TMEM132D: variants seen among roughly 807,000 people sequenced by gnomAD.
TMEM132D encodes the protein transmembrane protein 132D.
Under a neutral mutation model 62.3 loss-of-function variants are expected in TMEM132D, and 21 were observed. That is an observed-to-expected ratio of 0.34 (90% CI 0.24 to 0.49). The LOEUF (loss-of-function observed/expected upper bound fraction) is 0.49, where lower values mean the gene tolerates loss of function less well. TMEM132D is among the 20% of genes least tolerant of loss of function. The pLI is 0.99. For missense variants in TMEM132D, 1,346 were observed against 1,402.8 expected, an observed-to-expected ratio of 0.96 and a Z score of 0.65; for synonymous variants, 621 against 575.6, an observed-to-expected ratio of 1.08 and a Z score of -1.13.
chr12:129,832,960 C>T (rs1157550765), intron 1 of TMEM132D, among the ~76,000 whole-genome samples: 2 of 152,190 alleles, frequency 1.3e-5, no homozygotes, highest in African/African-American at 4.8e-5. Context: ...CCTCTACTCC[C>T]TACCTTAGCT....
At chr12:129,432,232 T>C (rs1872678277) in intron 3 of TMEM132D, among the ~76,000 whole-genome samples, 1 of 150,882 alleles carries the variant, frequency 6.6e-6, no homozygotes, top group Non-Finnish European at 1.5e-5. Flanking sequence ...CTTGGATGGA[T>C]GGATGGATGG....
chr12:129,599,179 A>G (rs1878424333), intron 2 of TMEM132D, among the ~76,000 whole-genome samples: 1 of 152,224 alleles, frequency 6.6e-6, no homozygotes, highest in African/African-American at 2.4e-5. Flanking sequence ...TCCTAGAGCC[A>G]GTCATGCTGA....
chr12:129,130,340 C>T (rs1228262051), intron 5 of TMEM132D, among the ~76,000 whole-genome samples: 1 of 152,034 alleles, frequency 6.6e-6, no homozygotes, highest in Non-Finnish European at 1.5e-5. Context: ...AAGAGACCCC[C>T]CCGCCCGCCA....
chr12:129,307,838 C>G (rs1387692368), intron 4 of TMEM132D, among the ~76,000 whole-genome samples: 1 of 152,192 alleles, frequency 6.6e-6, no homozygotes, highest in Non-Finnish European at 1.5e-5. Flanking sequence ...TCAATGCAGT[C>G]TCTGCTCACA....
intron 1 of TMEM132D, among the ~76,000 whole-genome samples, chr12:129,749,532 C>T (rs1415479735): frequency 6.6e-6 from 1 of 151,162 alleles, no homozygotes; most frequent in Admixed American, 6.6e-5. Flanking sequence ...TCTCAGCTCA[C>T]TGCAACCTCC....
chr12:129,250,044 C>A (rs904424575), intron 4 of TMEM132D, among the ~76,000 whole-genome samples: 1 of 152,112 alleles, frequency 6.6e-6, no homozygotes, highest in African/African-American at 2.4e-5. Flanking sequence ...AGCAAGCCAC[C>A]CAGACGAGAC....
chr12:129,194,855 T>G (rs974227866), intron 5 of TMEM132D, among the ~76,000 whole-genome samples: 1 of 151,980 alleles, frequency 6.6e-6, no homozygotes, highest in Non-Finnish European at 1.5e-5. Context: ...CTCCTCCCCA[T>G]GATAACCAGA....
At chr12:129,453,073 C>A (rs977143438) in intron 3 of TMEM132D, among the ~76,000 whole-genome samples, 5 of 152,218 alleles carry the variant, frequency 3.3e-5, no homozygotes, top group Admixed American at 1.3e-4. Context: ...CATAGGAGCA[C>A]AAACCCTATT....
Position 129,821,125 on chromosome 12 carries a change from C to T in TMEM132D, c.79+82136G>A, listed in dbSNP as rs372768234. ...GATTCCAATTCTGATTTTCTATATT[C>T]CAGAGTGAAAACATTCCATGATCAA... On this transcript the variant is annotated intron_variant, in intron 1 of 8. Transcript: ENST00000422113. Among the ~76,000 whole-genome samples the T allele has an allele frequency of 3.3e-5, 5 of 152,078 alleles. No individual in the cohort carries two copies. The East Asian group carries it at 7.7e-4, about 23-fold the overall frequency.
rs567080017 is a variant in TMEM132D, at chr12:129,480,300, C to A, written c.1115+50759G>T. 1.1e-4 allele frequency among the ~76,000 whole-genome samples: 17 copies of A among 152,342 alleles called. 1 individual carries two copies. The highest frequency in any genetic ancestry group is 4.1e-4 in the African/African-American group (17 of 41,576). On this transcript the variant is annotated intron_variant, in intron 3 of 8. Transcript: ENST00000422113. Reference sequence around the variant, plus strand: ...GAACAGGGGAGCCATACTGTGCAAACCCCTGTGGGCCACTGAAAAGACTTT... The same window carrying A: ...GAACAGGGGAGCCATACTGTGCAAAACCCTGTGGGCCACTGAAAAGACTTT...
chr12:129,165,287 G>T (rs1381329260), intron 5 of TMEM132D, among the ~76,000 whole-genome samples: 1 of 152,160 alleles, frequency 6.6e-6, no homozygotes, highest in Admixed American at 6.5e-5. Flanking sequence ...GACTGTTTGG[G>T]TTGCAAAGGT....
intron 3 of TMEM132D, among the ~76,000 whole-genome samples, chr12:129,527,815 G>A (rs775191906): frequency 8.5e-5 from 13 of 152,140 alleles, no homozygotes; most frequent in Non-Finnish European, 1.5e-4. Context: ...TGATAGCTGG[G>A]GTAACATTCA....
At chr12:129,236,228 G>C (rs1361454913) in intron 4 of TMEM132D, among the ~76,000 whole-genome samples, 4 of 151,694 alleles carry the variant, frequency 2.6e-5, no homozygotes, top group Non-Finnish European at 4.4e-5. Flanking sequence ...TTCAGTATTG[G>C]TGTATGGGCC....
chr12:129,265,346 G>GTT (rs1396970197), intron 4 of TMEM132D, among the ~76,000 whole-genome samples: 1 of 152,216 alleles, frequency 6.6e-6, no homozygotes, highest in Non-Finnish European at 1.5e-5. Context: ...AATGTCCAGT[G>GTT]TTGTGGTAGA....
intron 1 of TMEM132D, 152 bp from the exon 2 acceptor site, chr12:129,700,850 G>A (rs1002809651): frequency 9.3e-6 from 8 of 857,434 alleles, no homozygotes; most frequent in African/African-American, 8.6e-5. Context: ...CAATCTACTC[G>A]CTTCATATTA....
At chr12:129,729,970 C>CA (rs560540276) in intron 1 of TMEM132D, among the ~76,000 whole-genome samples, 3 of 152,188 alleles carry the variant, frequency 2.0e-5, no homozygotes, top group Non-Finnish European at 4.4e-5. Flanking sequence ...CCCCTGCCCG[C>CA]AAAAAATTGC....
At chr12:129,710,895 T>A (rs559985437) in intron 1 of TMEM132D, among the ~76,000 whole-genome samples, 1 of 150,684 alleles carries the variant, frequency 6.6e-6, no homozygotes, top group Admixed American at 6.6e-5. Flanking sequence ...CCGGCTGTGT[T>A]CAGCCTCAGT....
rs187220709 is a variant in TMEM132D, at chr12:129,542,445, T to C, written c.969-11240A>G. Among the ~76,000 whole-genome samples, 27 of 148,490 alleles carry C rather than the reference T, an allele frequency of 1.8e-4. No homozygotes were observed. In the Admixed American group the frequency reaches 1.8e-3, roughly 10 times the overall value. On this transcript the variant is annotated intron_variant, in intron 2 of 8. Transcript: ENST00000422113. Reference sequence around the variant, plus strand: ...AAACGTAAATTCTCAGGGATGTCTTTTGGGAGGTTGTTAATTTTTTTATTA... The same window carrying C: ...AAACGTAAATTCTCAGGGATGTCTTCTGGGAGGTTGTTAATTTTTTTATTA...
At chr12:129,644,708 G>C (rs1879725419) in intron 2 of TMEM132D, among the ~76,000 whole-genome samples, 1 of 151,928 alleles carries the variant, frequency 6.6e-6, no homozygotes, top group African/African-American at 2.4e-5. Context: ...GCCAGGAGCA[G>C]TGGCTCACAC....
Sources: allele counts gnomAD v4.1 joint callset (sites outside exome capture counted in the v4.1 genomes callset), GRCh38; gene constraint gnomAD v4.1.1; transcripts MANE v1.5; gene names NCBI Gene and HGNC (gene_info 2026-07-23, HGNC 2026-07-21).